ZNF516: variants seen among roughly 807,000 people sequenced by gnomAD.
The protein encoded by ZNF516 is zinc finger protein 516.
Under a neutral mutation model 79.7 loss-of-function variants are expected in ZNF516, and 19 were observed. That is an observed-to-expected ratio of 0.24 (90% CI 0.17 to 0.35). ZNF516 has a LOEUF of 0.35. Among genes scored for constraint, ZNF516 ranks in the 10% least tolerant of loss-of-function variants. ZNF516 has a pLI of 1.00. For synonymous variants in ZNF516, 877 were observed against 739.5 expected, an observed-to-expected ratio of 1.19 and a Z score of -3.02; for missense variants, 1,678 against 1,679.5, an observed-to-expected ratio of 1.00 and a Z score of 0.02.
At chr18:76,370,459 G>C in intron 6 of ZNF516, 69 bp downstream of exon 6, 1 of 1,385,890 alleles carries the variant, frequency 7.2e-7, no homozygotes, top group South Asian at 1.4e-5. Context: ...CTTCAGTGAT[G>C]AGCATCATGG....
At chr18:76,486,012 A>G (rs914113368) in intron 1 of ZNF516, among the ~76,000 whole-genome samples, 6 of 152,130 alleles carry the variant, frequency 3.9e-5, no homozygotes, top group African/African-American at 1.4e-4. Context: ...TGACCTGCCC[A>G]ACTCTTAGCC....
At chr18:76,488,432 T>TCC in intron 1 of ZNF516, among the ~76,000 whole-genome samples, 1 of 144,064 alleles carries the variant, frequency 6.9e-6, no homozygotes, top group Admixed American at 7.7e-5. Context: ...CACGTCCAGC[T>TCC]CCCCGAGCAG....
At chr18:76,486,799 T>G (rs1347010443) in intron 1 of ZNF516, among the ~76,000 whole-genome samples, 2 of 152,120 alleles carry the variant, frequency 1.3e-5, no homozygotes, top group Non-Finnish European at 2.9e-5. Context: ...CACAATTACA[T>G]ACGATATACA....
chr18:76,373,047 G>T, intron 4 of ZNF516: 1 of 152,696 alleles, frequency 6.5e-6, no homozygotes, highest in South Asian at 2.1e-4. Flanking sequence ...CTACTCAGGA[G>T]GCTGAGGTGG....
At chr18:76,474,439 CAT>C (rs969624917) in intron 1 of ZNF516, among the ~76,000 whole-genome samples, 4 of 152,182 alleles carry the variant, frequency 2.6e-5, no homozygotes, top group African/African-American at 7.2e-5. Context: ...AAACAACACT[CAT>C]AGAAGTTCAG....
intron 6 of ZNF516, among the ~76,000 whole-genome samples, chr18:76,367,499 C>T (rs1311102207): frequency 2.0e-5 from 3 of 152,214 alleles, no homozygotes; most frequent in African/African-American, 7.2e-5. Context: ...CAGGCCCGAG[C>T]CTCTGCCCAC....
At chr18:76,370,468 G>T in intron 6 of ZNF516, 60 bp downstream of exon 6, 1 of 1,464,776 alleles carries the variant, frequency 6.8e-7, no homozygotes, top group Non-Finnish European at 9.3e-7. Flanking sequence ...TGAGCATCAT[G>T]GTGCACCTTT....
intron 3 of ZNF516, among the ~76,000 whole-genome samples, chr18:76,408,896 T>C (rs762474414): frequency 1.3e-5 from 2 of 152,198 alleles, no homozygotes; most frequent in African/African-American, 4.8e-5. Context: ...CTCAGGACAC[T>C]GACGAGAGCG....
At chr18:76,366,113 CTTTA>C (rs1414842955) in intron 6 of ZNF516, among the ~76,000 whole-genome samples, 3 of 152,162 alleles carry the variant, frequency 2.0e-5, no homozygotes, top group African/African-American at 7.2e-5. Flanking sequence ...AAGGAAACTA[CTTTA>C]TTTCTCTTCA....
rs1230800930 is a variant in ZNF516, at chr18:76,441,130, G to A, written c.1810+115C>T. ...TGAGCATAGGCCTAGCTGAGTAAAG[G>A]GCCACCGGGTAAGGGGCTAATGAGC... On this transcript the variant is annotated intron_variant, in intron 3 of 6. Coordinates refer to ENST00000443185, the MANE Select transcript of ZNF516 (RefSeq NM_014643.4). 5.0e-6 allele frequency: 7 copies of A among 1,400,732 alleles called. No individual in the cohort carries two copies. In the African/African-American group the frequency reaches 5.8e-5, roughly 12 times the overall value. The allele number at this position is 1,400,732 out of a possible 1,614,324, so 86.8% of individuals were successfully genotyped here. A position where few individuals can be genotyped will look rare whatever the true frequency, so the allele number is the denominator to read the frequency against.
At chr18:76,482,643 T>C (rs1914592286) in intron 1 of ZNF516, among the ~76,000 whole-genome samples, 1 of 152,194 alleles carries the variant, frequency 6.6e-6, no homozygotes, top group South Asian at 2.1e-4. Flanking sequence ...ATCTTCAACT[T>C]AGGATGGGTT....
intron 1 of ZNF516, among the ~76,000 whole-genome samples, chr18:76,465,328 A>T (rs935266659): frequency 6.6e-6 from 1 of 152,254 alleles, no homozygotes; most frequent in African/African-American, 2.4e-5. Context: ...CAGAAGAAAC[A>T]GAAAAGATCT....
At chr18:76,404,784 T>C (rs1214216646) in intron 3 of ZNF516, among the ~76,000 whole-genome samples, 1 of 152,164 alleles carries the variant, frequency 6.6e-6, no homozygotes, top group Non-Finnish European at 1.5e-5. Context: ...TGAGTACATG[T>C]GTGAGCATAT....
rs572950254 is a variant in ZNF516, at chr18:76,414,925, C to T, written c.1810+26320G>A. On this transcript the variant is annotated intron_variant, in intron 3 of 6. Coordinates refer to ENST00000443185, the MANE Select transcript of ZNF516 (RefSeq NM_014643.4). ...AAAAAATAGTAGTTTACACTGGATG[C>T]GGTGGCTCACGCCTGTAATCTCAGC... Among the ~76,000 whole-genome samples the T allele has an allele frequency of 4.4e-4, 67 of 152,220 alleles. 1 individual carries two copies. Among genetic ancestry groups the T allele is most frequent in the Non-Finnish European group, 9.1e-4 (62 of 68,042 alleles).
rs2074522492 is a variant in ZNF516 at position 76,360,672 on chromosome 18, T to TAC, written c.*1825_*1826insGT. 1 of 123,598 alleles carries TAC rather than the reference T, an allele frequency of 8.1e-6. No homozygotes were observed. The highest frequency in any genetic ancestry group is 2.9e-5 in the African/African-American group (1 of 34,448). 7.7% of individuals were successfully genotyped at this position (123,598 alleles called of 1,614,324 possible). ...ATATATATATATATATATATATATA[T>TAC]ATATATAAGCTAGCCAGTTACATTG... On this transcript the variant is annotated 3_prime_UTR_variant, in exon 7 of 7. Coordinates refer to ENST00000443185, the MANE Select transcript of ZNF516 (RefSeq NM_014643.4).
intron 2 of ZNF516, among the ~76,000 whole-genome samples, chr18:76,443,841 A>C (rs927907697): frequency 6.6e-6 from 1 of 152,204 alleles, no homozygotes; most frequent in African/African-American, 2.4e-5. Flanking sequence ...GCATCCTCCT[A>C]GTGAGGCTGG....
At chr18:76,469,337 T>C (rs1568319081) in intron 1 of ZNF516, among the ~76,000 whole-genome samples, 1 of 152,254 alleles carries the variant, frequency 6.6e-6, no homozygotes, top group Non-Finnish European at 1.5e-5. Flanking sequence ...TATATCTTTA[T>C]ATTTAGAGGG....
Position 76,441,946 on chromosome 18 carries a change from T to A in ZNF516, c.1109A>T (p.Glu370Val), listed in dbSNP as rs1391114765. ...GTCCGAGGGCCCCTCCGCCCCCTCC[T>A]CGGCCGGGGCGCGCGTGCGGCTGGC... is the stretch of plus-strand genomic sequence containing the variant. Reference protein sequence around the residue: ...VEASRTRAPAEEGAEGPSDTK... With the variant: ...VEASRTRAPAVEGAEGPSDTK... The change falls in exon 3 of 7, where the codon GAG (glutamate) becomes GTG (valine). Residue 370 changes from glutamate to valine, a missense_variant. Coordinates refer to ENST00000443185, the MANE Select transcript of ZNF516 (RefSeq NM_014643.4). 1.2e-6 allele frequency: 2 copies of A among 1,610,206 alleles called. No individual in the cohort carries two copies. Among genetic ancestry groups the A allele is most frequent in the African/African-American group, 2.7e-5 (2 of 74,620 alleles).
chr18:76,362,691 G>A (rs1174593267), intron 6 of ZNF516, 134 bp from the exon 7 acceptor site: 2 of 812,242 alleles, frequency 2.5e-6, no homozygotes, highest in Non-Finnish European at 4.0e-6. Flanking sequence ...AGCCAACCAA[G>A]TAGGCGAAGA....
Sources: allele counts gnomAD v4.1 joint callset (sites outside exome capture counted in the v4.1 genomes callset), GRCh38; gene constraint gnomAD v4.1.1; transcripts MANE v1.5; gene names NCBI Gene and HGNC (gene_info 2026-07-23, HGNC 2026-07-21).